The following CAPN15 variants were observed in gnomAD, a reference collection of about 807,000 sequenced individuals.
CAPN15 encodes the protein calpain 15, also known as calpain-15.
A neutral mutation model predicts 97.9 loss-of-function variants in CAPN15; 53 were observed. The ratio of observed to expected loss-of-function variants is 0.54; its 90% confidence interval spans 0.43 to 0.68. The LOEUF (loss-of-function observed/expected upper bound fraction) is 0.68. Ranked by LOEUF, CAPN15 falls within the 30% of genes least tolerant of loss-of-function variation. The pLI is 0.00. For synonymous variants in CAPN15, 922 were observed against 722.5 expected (o/e 1.28, Z -4.43); for missense variants, 1,592 against 1,589.8 (o/e 1.00, Z -0.02).
intron 2 of CAPN15, among the ~76,000 whole-genome samples, chr16:534,235 G>GCGGCCC (rs374380680): frequency 7.5e-4 from 114 of 151,372 alleles, no homozygotes; most frequent in African/African-American, 1.2e-3. Context: ...TCCCGACAGG[G>GCGGCCC]GTGTTTGTCC....
In CAPN15 at chr16:551,587, G is replaced by A. The variant is rs769703560; in HGVS notation, c.2268G>A (p.Pro756=). The change falls in exon 9 of 14, where the codon CCG becomes CCA. Residue 756 remains proline, a synonymous_variant. Transcript: ENST00000219611. ...GSWSDEWPHW[P]GHLRGELMPH... is the part of the protein sequence containing the mutation. ...GGTCCGACGAGTGGCCACACTGGCCGGGGCACCTGCGTGGCGAGCTCATGC... is the reference window on the plus strand; with the variant it reads ...GGTCCGACGAGTGGCCACACTGGCCAGGGCACCTGCGTGGCGAGCTCATGC... 1.1e-4 allele frequency: 170 copies of A among 1,610,232 alleles called. No individual in the cohort carries two copies. The highest frequency in any genetic ancestry group is 1.4e-4 in the Non-Finnish European group (161 of 1,179,380).
At chr16:528,204 G>A (rs536374230) in intron 1 of CAPN15, among the ~76,000 whole-genome samples, 175 bp downstream of exon 1, 1 of 151,822 alleles carries the variant, frequency 6.6e-6, no homozygotes, top group East Asian at 2.0e-4. Flanking sequence ...AGTGGGGTCA[G>A]CCCGCCGCCC....
intron 3 of CAPN15, among the ~76,000 whole-genome samples, chr16:540,557 TTGG>T (rs1349518806): frequency 2.6e-5 from 4 of 152,124 alleles, no homozygotes; most frequent in Non-Finnish European, 5.9e-5. Flanking sequence ...GCCTGGCTGG[TTGG>T]TGGTGGGGAT....
At position 552,607 on chromosome 16, in the gene CAPN15, T is replaced by C. The variant is rs1488121445; in HGVS notation, c.2740T>C (p.Ser914Pro). ...GGTTCACACGCCCGTCCTTGTAGCC[T>C]CCAGCCCCTCGGCAGGGGTCCCGAG... ...PLPGTPAPQASSPSAGVPRAS... is the reference protein window; with the variant it reads ...PLPGTPAPQAPSPSAGVPRAS... The change falls in exon 12 of 14, where the codon TCC (serine) becomes CCC (proline). Residue 914 changes from serine to proline, a missense_variant and splice_region_variant. By Grantham distance (74) the Ser-to-Pro change is moderately conservative. Coordinates refer to ENST00000219611, the MANE Select transcript of CAPN15 (RefSeq NM_005632.3). The surrounding 1 kb of genome is among the most constrained non-coding windows in gnomAD (Gnocchi z 6.4). The C allele has an allele frequency of 5.2e-6, 8 of 1,538,560 alleles. No individual in the cohort carries two copies. Among genetic ancestry groups the C allele is most frequent in the South Asian group, 1.2e-5 (1 of 84,910 alleles).
At position 535,924 on chromosome 16, in the gene CAPN15, C is replaced by G. The variant is rs193004256; in HGVS notation, c.-136-105C>G. 1 of 196,002 alleles carries G rather than the reference C, an allele frequency of 5.1e-6. No individual in the cohort carries two copies. Among genetic ancestry groups the G allele is most frequent in the Non-Finnish European group, 9.0e-6 (1 of 111,426 alleles). The allele number at this position is 196,002 out of a possible 1,614,324, so 12.1% of individuals were successfully genotyped here. A position where few individuals can be genotyped will look rare whatever the true frequency, so the allele number is the denominator to read the frequency against. ...GTCCCTGGGGTCAGGGGTCAGAGTT[C>G]GGCATGCTCTGCGGGGGCCTCACCC... is the stretch of plus-strand genomic sequence containing the variant. On this transcript the variant is annotated intron_variant, in intron 2 of 13. Coordinates refer to ENST00000219611, the MANE Select transcript of CAPN15 (RefSeq NM_005632.3). This position sits in a 1 kb window ranked among gnomAD's most constrained non-coding sequence, Gnocchi z 6.2.
In CAPN15 at chr16:547,958, C is replaced by G. The variant is rs2142041739; in HGVS notation, c.1120C>G (p.His374Asp). ...GCSKLHGFQE[H>D]GEPPTHCPDC... ...CTCCAAACTGCACGGCTTCCAGGAG[C>G]ATGGCGAGCCCCCCACCCACTGCCC... The change falls in exon 4 of 14, where the codon CAT becomes GAT. Residue 374 changes from histidine to aspartate, a missense_variant. By Grantham distance (81) the His-to-Asp change is moderately conservative (BLOSUM62 -1). Coordinates refer to ENST00000219611, the MANE Select transcript of CAPN15 (RefSeq NM_005632.3). 1 of 1,589,590 alleles carries G rather than the reference C, an allele frequency of 6.3e-7. No individual in the cohort carries two copies. Among genetic ancestry groups the G allele is most frequent in the East Asian group, 2.3e-5 (1 of 43,116 alleles).
intron 7 of CAPN15, among the ~76,000 whole-genome samples, chr16:550,900 G>A (rs533562124): frequency 4.9e-4 from 57 of 116,580 alleles, no homozygotes; most frequent in East Asian, 3.1e-3. Flanking sequence ...GTCCCTGGTC[G>A]GTGAGGGTCC....
At chr16:533,371 A>AAGCCG (rs2033411404) in intron 1 of CAPN15, among the ~76,000 whole-genome samples, 1 of 152,168 alleles carries the variant, frequency 6.6e-6, no homozygotes, top group East Asian at 1.9e-4. Context: ...GGAGAGCATG[A>AAGCCG]CCTTAGAGAA....
At chr16:533,284 T>C (rs1010954468) in intron 1 of CAPN15, among the ~76,000 whole-genome samples, 1 of 152,080 alleles carries the variant, frequency 6.6e-6, no homozygotes, top group Non-Finnish European at 1.5e-5. Flanking sequence ...GAGGAGTCCA[T>C]GGTGGGCCCT....
rs1341651045 is a variant in CAPN15 at position 535,007 on chromosome 16, CAGTG to C, written c.-137+1012_-137+1015del. ...CCGTGTACATGATTAGTTAGCGAGA[CAGTG>C]AGGAGTGTATGCGGAGTGGACACAG... On this transcript the variant is annotated intron_variant, in intron 2 of 13. Transcript: ENST00000219611. The surrounding 1 kb of genome is among the most constrained non-coding windows in gnomAD (Gnocchi z 6.2). 9.9e-5 allele frequency among the ~76,000 whole-genome samples: 15 copies of C among 152,180 alleles called. No homozygotes were observed. Among genetic ancestry groups the C allele is most frequent in the South Asian group, 4.2e-4 (2 of 4,812 alleles).
rs940572998 is a variant in CAPN15, at chr16:554,417, G to T, written c.*901G>T. ...CCCCACTCCCCCTCCTACCCCGGCA[G>T]GGGCTTCCGGGGCCTTTTCACCTGG... is the stretch of plus-strand genomic sequence containing the variant. On this transcript the variant is annotated 3_prime_UTR_variant, in exon 14 of 14. Coordinates refer to ENST00000219611, the MANE Select transcript of CAPN15 (RefSeq NM_005632.3). 5.3e-5 allele frequency: 23 copies of T among 435,980 alleles called. No individual in the cohort carries two copies. Among genetic ancestry groups the T allele is most frequent in the Non-Finnish European group, 9.7e-5 (21 of 216,394 alleles). 27.0% of individuals were successfully genotyped at this position (435,980 alleles called of 1,614,324 possible).
chr16:537,519 C>T (rs2033813863), intron 3 of CAPN15: 2 of 872,680 alleles, frequency 2.3e-6, no homozygotes, highest in Non-Finnish European at 2.8e-6. Context: ...GGGCAGGGCT[C>T]CTGTCAGAGC....
At chr16:534,807 C>T (rs1287981192) in intron 2 of CAPN15, among the ~76,000 whole-genome samples, 1 of 152,220 alleles carries the variant, frequency 6.6e-6, no homozygotes, top group East Asian at 1.9e-4. Context: ...GCCCCCCACA[C>T]CCCCAGCTCG....
At position 553,061 on chromosome 16, in the gene CAPN15, C is replaced by G. The variant is rs758604941; in HGVS notation, c.3083+20C>G. ...GCACAGGTGCGCCCCCGCCCCTGCC[C>G]CCCCACCCCTGCACAGGTGCCCCCT... is the stretch of plus-strand genomic sequence containing the variant. On this transcript the variant is annotated intron_variant, in intron 13 of 13. Transcript: ENST00000219611. 1 of 1,177,468 alleles carries G rather than the reference C, an allele frequency of 8.5e-7. No individual in the cohort carries two copies. Among genetic ancestry groups the G allele is most frequent in the East Asian group, 3.9e-5 (1 of 25,366 alleles). The allele number at this position is 1,177,468 out of a possible 1,614,324, so 72.9% of individuals were successfully genotyped here. A position where few individuals can be genotyped will look rare whatever the true frequency, so the allele number is the denominator to read the frequency against.
At chr16:550,978 C>T (rs2034999761) in intron 7 of CAPN15, among the ~76,000 whole-genome samples, 2 of 84,722 alleles carry the variant, frequency 2.4e-5, no homozygotes, top group Admixed American at 1.2e-4. Flanking sequence ...TGAGGGTCCC[C>T]TGTTGGTGAG....
At chr16:532,727 C>T (rs1200967633) in intron 1 of CAPN15, among the ~76,000 whole-genome samples, 1 of 151,888 alleles carries the variant, frequency 6.6e-6, no homozygotes, top group Non-Finnish European at 1.5e-5. Flanking sequence ...GTGGCAGGCG[C>T]CTGTAGTCCC....
At chr16:546,752 A>G in intron 3 of CAPN15, 65 bp from the exon 4 acceptor site, 1 of 1,484,750 alleles carries the variant, frequency 6.7e-7, no homozygotes. Flanking sequence ...CCAGGCCGAG[A>G]GGAGGGTGGG....
chr16:547,901 A>G lies in CAPN15; in HGVS notation c.1063A>G (p.Thr355Ala), dbSNP rs2034711207. Residue 355 changes from threonine to alanine, a missense_variant, in exon 4 of 14, where the codon ACA (threonine) becomes GCA (alanine). Around this residue, in one of 3 missense-constraint regions of CAPN15, gnomAD observed 883 missense variants for 776.6 expected, o/e 1.14. Coordinates refer to ENST00000219611, the MANE Select transcript of CAPN15 (RefSeq NM_005632.3). ...TGCCAAGTGCACGCTCAGAAACCCC[A>G]CAGTGGCCCCCAGGTGCTCGGCCTG... ...SCAKCTLRNP[T>A]VAPRCSACGC... The G allele has an allele frequency of 6.2e-7, 1 of 1,610,344 alleles. No individual in the cohort carries two copies. Among genetic ancestry groups the G allele is most frequent in the Non-Finnish European group, 8.5e-7 (1 of 1,178,924 alleles).
In CAPN15 at chr16:552,192, G is replaced by C. The variant is rs377092672; in HGVS notation, c.2487G>C (p.Ala829=). Residue 829 remains alanine, a synonymous_variant, in exon 10 of 14, where the codon GCG becomes GCC. Transcript: ENST00000219611. The surrounding 1 kb of genome is among the most constrained non-coding windows in gnomAD (Gnocchi z 6.4). Reference sequence around the variant, plus strand: ...TGGAGCGGGCCTCGCTGGAGTTCGCGCTCTTCCAGGAGGGCAGCAGGTGGG... The same window carrying C: ...TGGAGCGGGCCTCGCTGGAGTTCGCCCTCTTCCAGGAGGGCAGCAGGTGGG... ...TVLERASLEF[A]LFQEGSRRSD... 1.3e-6 allele frequency: 2 copies of C among 1,535,578 alleles called. No individual in the cohort carries two copies. Among genetic ancestry groups the C allele is most frequent in the African/African-American group, 1.4e-5 (1 of 72,858 alleles).
Sources: gnomAD v4.1 joint callset for allele counts (sites outside exome capture counted in the v4.1 genomes callset) on GRCh38, gnomAD v4.1.1 for gene constraint, gnomAD v4.1.1 regional missense constraint, Gnocchi (gnomAD v3.1) non-coding constraint, MANE v1.5 for transcripts, NCBI Gene and HGNC (gene_info 2026-07-23, HGNC 2026-07-21) for gene names.